PTPRD: variants seen among roughly 807,000 people sequenced by gnomAD.
PTPRD encodes protein tyrosine phosphatase receptor type D.
In PTPRD, 34 loss-of-function variants were observed where a neutral mutation model predicts 214.5. The ratio of observed to expected loss-of-function variants is 0.16; its 90% CI spans 0.12 to 0.21. The LOEUF (loss-of-function observed/expected upper bound fraction) is 0.21. Among genes scored for constraint, PTPRD ranks in the 10% least tolerant of loss-of-function variants. The pLI, the probability that PTPRD is intolerant of heterozygous loss-of-function variation, is 1.00. For synonymous variants in PTPRD, 1,128 were observed against 845.7 expected, an observed-to-expected ratio of 1.33 and a Z score of -5.79; for missense variants, 2,545 against 2,398.7, an observed-to-expected ratio of 1.06 and a Z score of -1.27.
intron 5 of PTPRD, among the ~76,000 whole-genome samples, chr9:9,831,616 T>C (rs1322330019): frequency 6.6e-6 from 1 of 152,026 alleles, no homozygotes; most frequent in African/African-American, 2.4e-5. Context: ...ACATGCTTGC[T>C]AACCAACTAC....
At chr9:9,115,687 A>G (rs1470327673) in intron 10 of PTPRD, among the ~76,000 whole-genome samples, 1 of 152,204 alleles carries the variant, frequency 6.6e-6, no homozygotes, top group Non-Finnish European at 1.5e-5. Context: ...GCCTATGTTT[A>G]TCACAACACA....
rs143794666 is a variant in PTPRD, at chr9:9,834,641, T to C, written c.-367-67790A>G. ...GCAGGAAGGAGCAACCCAAAGCCTC[T>C]GGGGTCATTTCTTATTCAAACAGTT... is the stretch of plus-strand genomic sequence containing the variant. On this transcript the variant is annotated intron_variant, in intron 5 of 45. Transcript: ENST00000381196. Among the ~76,000 whole-genome samples, 179 of 152,184 alleles carry C rather than the reference T, an allele frequency of 1.2e-3. 1 individual carries two copies. Among genetic ancestry groups the C allele is most frequent in the African/African-American group, 4.1e-3 (169 of 41,534 alleles).
At chr9:8,432,029 A>T (rs1271003186) in intron 35 of PTPRD, among the ~76,000 whole-genome samples, 5 of 152,182 alleles carry the variant, frequency 3.3e-5, no homozygotes, top group Non-Finnish European at 5.9e-5. Context: ...CTATTCAGGG[A>T]TTTGACTTCT....
At chr9:8,479,471 G>C (rs1591569595) in intron 30 of PTPRD, among the ~76,000 whole-genome samples, 1 of 152,088 alleles carries the variant, frequency 6.6e-6, no homozygotes, top group African/African-American at 2.4e-5. Flanking sequence ...TGATGTCAAA[G>C]TTTTATACCT....
At chr9:9,223,812 C>G (rs151044705) in intron 9 of PTPRD, among the ~76,000 whole-genome samples, 2 of 152,044 alleles carry the variant, frequency 1.3e-5, no homozygotes, top group Non-Finnish European at 2.9e-5. Context: ...TGATATGTCT[C>G]TGGTGAAGAG....
Position 8,470,849 on chromosome 9 carries a change from A to T in PTPRD, c.3504+146T>A, listed in dbSNP as rs1023391555. On this transcript the variant is annotated intron_variant, in intron 31 of 45. Coordinates refer to ENST00000381196, the MANE Select transcript of PTPRD (RefSeq NM_002839.4). The stretch of plus-strand genomic sequence containing the variant: ...TTTGTTGGGATCCCCAGGGGTTAGC[A>T]TGCCCATAGCACTGAACCATCCAAC... 15 of 660,132 alleles carry T rather than the reference A, an allele frequency of 2.3e-5. No homozygotes were observed. In the African/African-American group the frequency reaches 2.5e-4, roughly 11 times the overall value. The allele number at this position is 660,132 out of a possible 1,614,324, so 40.9% of individuals were successfully genotyped here. A position where few individuals can be genotyped will look rare whatever the true frequency, so the allele number is the denominator to read the frequency against.
chr9:10,120,783 G>A (rs1387789490), intron 3 of PTPRD, among the ~76,000 whole-genome samples: 2 of 151,946 alleles, frequency 1.3e-5, no homozygotes, highest in East Asian at 1.9e-4. Flanking sequence ...TGAAAGCAGA[G>A]AGCTTTCTCT....
At chr9:9,409,030 G>C (rs1587576910) in intron 8 of PTPRD, among the ~76,000 whole-genome samples, 1 of 151,834 alleles carries the variant, frequency 6.6e-6, no homozygotes, top group Non-Finnish European at 1.5e-5. Flanking sequence ...TCAAAACTTA[G>C]ACACAATTAT....
intron 3 of PTPRD, among the ~76,000 whole-genome samples, chr9:10,191,301 T>C (rs1204567065): frequency 1.3e-5 from 2 of 152,116 alleles, no homozygotes; most frequent in South Asian, 2.1e-4. Context: ...ATATATATTC[T>C]ATTTTATTTT....
At position 10,394,357 on chromosome 9, in the gene PTPRD, C is replaced by G. The variant is rs147475176; in HGVS notation, c.-599-53340G>C. ...ACTTAGATATAATTTAAGGTTTCAA[C>G]AACTGGATCAAGCCCTTATCTTGAA... On this transcript the variant is annotated intron_variant, in intron 2 of 45. Coordinates refer to ENST00000381196, the MANE Select transcript of PTPRD (RefSeq NM_002839.4). Among the ~76,000 whole-genome samples, 449 of 151,268 alleles carry G rather than the reference C, an allele frequency of 3.0e-3. 4 individuals are homozygous for G. The highest frequency in any genetic ancestry group is 0.01 in the African/African-American group (429 of 41,354).
chr9:9,270,366 C>T (rs570243478), intron 9 of PTPRD, among the ~76,000 whole-genome samples: 2 of 151,376 alleles, frequency 1.3e-5, no homozygotes, highest in Non-Finnish European at 3.0e-5. Context: ...GAGAAAGCCT[C>T]TCTGTAAATG....
chr9:10,008,835 C>T (rs796882557), intron 4 of PTPRD, among the ~76,000 whole-genome samples: 3 of 151,526 alleles, frequency 2.0e-5, no homozygotes, highest in African/African-American at 7.3e-5. Context: ...TCAAGAAAGA[C>T]CAAAATAAAG....
chr9:9,206,870 G>A (rs1040076175), intron 9 of PTPRD, among the ~76,000 whole-genome samples: 11 of 152,018 alleles, frequency 7.2e-5, no homozygotes, highest in Non-Finnish European at 1.5e-4. Flanking sequence ...GCCTACTGTG[G>A]GACTTCACCT....
chr9:10,539,789 G>C (rs2058686210), intron 2 of PTPRD, among the ~76,000 whole-genome samples: 1 of 152,102 alleles, frequency 6.6e-6, no homozygotes. Context: ...TCCTTTCCCA[G>C]ATAGCTCACA....
At chr9:9,493,639 T>G (rs10816144) in intron 8 of PTPRD, among the ~76,000 whole-genome samples, 74,745 of 151,226 alleles carry the variant, frequency 0.49, 19,429 homozygotes, top group East Asian at 0.65. Context: ...ATACAAAAAA[T>G]TAGCCGGGTG....
chr9:8,744,832 T>C (rs1019297272), intron 11 of PTPRD, among the ~76,000 whole-genome samples: 3 of 152,152 alleles, frequency 2.0e-5, no homozygotes, highest in African/African-American at 4.8e-5. Flanking sequence ...AACATTATAA[T>C]CCCAACGTTG....
intron 2 of PTPRD, among the ~76,000 whole-genome samples, chr9:10,368,218 G>A (rs1445304989): frequency 6.6e-6 from 1 of 152,030 alleles, no homozygotes; most frequent in African/African-American, 2.4e-5. Context: ...AGTAGTGTAT[G>A]TTACTGATAT....
chr9:10,164,675 A>G (rs878961597), intron 3 of PTPRD, among the ~76,000 whole-genome samples: 1 of 151,616 alleles, frequency 6.6e-6, no homozygotes. Context: ...AATATCAAAG[A>G]TTTATTTGAA....
chr9:10,394,341 T>C (rs1000164369), intron 2 of PTPRD, among the ~76,000 whole-genome samples: 2 of 151,112 alleles, frequency 1.3e-5, no homozygotes, highest in Non-Finnish European at 3.0e-5. Context: ...AACTTAGATA[T>C]AATTTAAGGT....
Sources: gnomAD v4.1 joint callset for allele counts (sites outside exome capture counted in the v4.1 genomes callset) on GRCh38, gnomAD v4.1.1 for gene constraint, MANE v1.5 for transcripts, NCBI Gene and HGNC (gene_info 2026-07-23, HGNC 2026-07-21) for gene names.